Variants in SLC16A3 observed in about 807,000 individuals in gnomAD.
SLC16A3 encodes the protein monocarboxylate transporter 4.
In SLC16A3, 22 loss-of-function variants were observed where a neutral mutation model predicts 25.0. That is an observed-to-expected ratio of 0.88 (90% CI 0.63 to 1.26). SLC16A3 has a LOEUF of 1.26. Among genes scored for constraint, SLC16A3 ranks in the 50% most tolerant of loss-of-function variants. The pLI is 0.00. For missense variants in SLC16A3, 731 were observed against 666.6 expected, an observed-to-expected ratio of 1.10 and a Z score of -1.06; for synonymous variants, 390 against 309.2, an observed-to-expected ratio of 1.26 and a Z score of -2.74.
At chr17:82,221,204 C>T (rs1015056767) in intron 1 of SLC16A3, among the ~76,000 whole-genome samples, 1 of 152,128 alleles carries the variant, frequency 6.6e-6, no homozygotes, top group African/African-American at 2.4e-5. Context: ...GAAGGCAGCC[C>T]ACAGAATGGG....
chr17:82,240,075 G>C lies in SLC16A3; in HGVS notation c.*1099G>C. 8.1e-7 allele frequency: 1 copy of C among 1,233,736 alleles called. No homozygotes were observed. The highest frequency in any genetic ancestry group is 1.0e-6 in the Non-Finnish European group (1 of 987,826). 76.4% of individuals were successfully genotyped at this position (1,233,736 alleles called of 1,614,324 possible). A position where few individuals can be genotyped will look rare whatever the true frequency, so the allele number is the denominator to read the frequency against. Reference sequence around the variant, plus strand: ...TGTCCCTGCTCCTCTGCAATGAAAAGCAAGCGAAAAGTGCACATCTCAGGT... The same window carrying C: ...TGTCCCTGCTCCTCTGCAATGAAAACCAAGCGAAAAGTGCACATCTCAGGT... On this transcript the variant is annotated 3_prime_UTR_variant, in exon 5 of 5. Coordinates refer to ENST00000582743, the MANE Select transcript of SLC16A3 (RefSeq NM_004207.4).
upstream of SLC16A3, among the ~76,000 whole-genome samples, chr17:82,227,113 C>A (rs2050427457): frequency 6.6e-6 from 1 of 152,072 alleles, no homozygotes; most frequent in African/African-American, 2.4e-5. Context: ...GGAAGCCATG[C>A]CTAAGAGGGG....
At chr17:82,237,989 C>T (rs547013241) in intron 4 of SLC16A3, 96 bp downstream of exon 4, 8 of 1,400,098 alleles carry the variant, frequency 5.7e-6, no homozygotes, top group South Asian at 5.3e-5. Flanking sequence ...GGCAGCCACC[C>T]GCAGTGTGGG....
upstream of SLC16A3, among the ~76,000 whole-genome samples, chr17:82,224,132 GCA>G (rs1267847042): frequency 3.0e-4 from 30 of 99,894 alleles, no homozygotes; most frequent in Admixed American, 6.9e-4. Flanking sequence ...CTACACCCGT[GCA>G]CAGACACCTG....
In SLC16A3 at chr17:82,240,010, C is replaced by T. The variant is rs917104685; in HGVS notation, c.*1034C>T. 26 of 1,233,660 alleles carry T rather than the reference C, an allele frequency of 2.1e-5. No homozygotes were observed. Among genetic ancestry groups the T allele is most frequent in the Admixed American group, 8.4e-5 (2 of 23,700 alleles). The allele number at this position is 1,233,660 out of a possible 1,614,324, so 76.4% of individuals were successfully genotyped here. On this transcript the variant is annotated 3_prime_UTR_variant, in exon 5 of 5. Transcript: ENST00000582743. ...GCGTCGTGGGCGCTGGGGACGGCAG[C>T]GGGTGCCCTGGCGGGCCGCGTGCAG...
At chr17:82,220,922 C>G (rs771403337) in intron 1 of SLC16A3, among the ~76,000 whole-genome samples, 3 of 152,132 alleles carry the variant, frequency 2.0e-5, no homozygotes, top group Non-Finnish European at 2.9e-5. Flanking sequence ...CTCCTGGGTT[C>G]AAGCAATTCT....
intron 1 of SLC16A3, chr17:82,231,050 G>A (rs1386615285): frequency 6.6e-6 from 1 of 152,188 alleles, no homozygotes. Flanking sequence ...GGACCCGCGC[G>A]CCGGCAATTA....
rs548887790 is a variant in SLC16A3, at chr17:82,238,985, G to A, written c.*9G>A. ...CGGAAACAAGTGTCTGAGTGGCTGG[G>A]CGGGGCCGGCAGGCACAGGGAGGAG... On this transcript the variant is annotated 3_prime_UTR_variant, in exon 5 of 5. Coordinates refer to ENST00000582743, the MANE Select transcript of SLC16A3 (RefSeq NM_004207.4). 24 of 1,510,964 alleles carry A rather than the reference G, an allele frequency of 1.6e-5. No individual in the cohort carries two copies. The African/African-American group carries it at 3.2e-4, about 20-fold the overall frequency. 93.6% of individuals were successfully genotyped at this position (1,510,964 alleles called of 1,614,324 possible). A position where few individuals can be genotyped will look rare whatever the true frequency, so the allele number is the denominator to read the frequency against.
At chr17:82,235,929 C>T in intron 1 of SLC16A3, 54 bp from the exon 2 acceptor site, 1 of 1,262,582 alleles carries the variant, frequency 7.9e-7, no homozygotes, top group Non-Finnish European at 1.1e-6. Context: ...CCCTGCCAGG[C>T]TGCAGCTGGG....
chr17:82,230,053 C>T (rs8078962), intron 1 of SLC16A3: 2,369 of 152,720 alleles, frequency 0.016, 68 homozygotes, highest in African/African-American at 0.055. Context: ...GGGGCTTGTC[C>T]ATGCTGAGCA....
In SLC16A3 at chr17:82,237,478, G is replaced by C. The variant is rs745813922; in HGVS notation, c.708G>C (p.Ser236=). ...RGFVLYAVAA[S]VMVLGLFVPP... ...TTGTGCTTTACGCCGTGGCCGCCTC[G>C]GTCATGGTGCTGGGGCTCTTCGTCC... is the stretch of plus-strand genomic sequence containing the variant. The change falls in exon 4 of 5, where the codon TCG becomes TCC. Residue 236 remains serine, a synonymous_variant. Transcript: ENST00000582743. 6 of 1,609,840 alleles carry C rather than the reference G, an allele frequency of 3.7e-6. No individual in the cohort carries two copies. Among genetic ancestry groups the C allele is most frequent in the Non-Finnish European group, 5.1e-6 (6 of 1,179,436 alleles).
chr17:82,225,964 G>A (rs2050419100), upstream of SLC16A3, among the ~76,000 whole-genome samples: 1 of 152,094 alleles, frequency 6.6e-6, no homozygotes, highest in South Asian at 2.1e-4. Context: ...TCTCGGGGCA[G>A]CCCATGGGGA....
At chr17:82,224,825 C>T (rs1044726163), upstream of SLC16A3, among the ~76,000 whole-genome samples, 1 of 152,136 alleles carries the variant, frequency 6.6e-6, no homozygotes, top group South Asian at 2.1e-4. Context: ...CCCACATAAC[C>T]GGCCCTCTCA....
upstream of SLC16A3, among the ~76,000 whole-genome samples, chr17:82,227,592 G>A (rs148761130): frequency 0.011 from 1,603 of 142,666 alleles, 43 homozygotes; most frequent in African/African-American, 0.033. Context: ...TGCCCTGGGC[G>A]GGAGCACCAC....
chr17:82,223,676 CTAAT>C (rs1450048459), upstream of SLC16A3, among the ~76,000 whole-genome samples: 5 of 151,972 alleles, frequency 3.3e-5, no homozygotes, highest in African/African-American at 1.2e-4. Flanking sequence ...CCACGTGTGG[CTAAT>C]TGTTTGTATT....
At chr17:82,225,979 G>A (rs950042035), upstream of SLC16A3, among the ~76,000 whole-genome samples, 1 of 152,110 alleles carries the variant, frequency 6.6e-6, no homozygotes. Context: ...TGGGGAGGAA[G>A]CAGATCCCAG....
intron 1 of SLC16A3, chr17:82,233,903 C>G (rs931289460): frequency 2.6e-5 from 4 of 152,276 alleles, no homozygotes; most frequent in Non-Finnish European, 5.9e-5. Context: ...CGCAGTCGCG[C>G]GATCTCGGCT....
In SLC16A3 at chr17:82,236,852, T is replaced by G. The variant is rs2050615665; in HGVS notation, c.347T>G (p.Leu116Arg). 6.2e-7 allele frequency: 1 copy of G among 1,606,596 alleles called. No individual in the cohort carries two copies. ...TGCCGGAGCATCATCCAGGTCTACC[T>G]CACCACTGGGGTCATCACGGGTGAG... ...SFCRSIIQVY[L>R]TTGVITGLGL... Residue 116 changes from leucine (L) to arginine (R), a missense_variant, in exon 3 of 5, where the codon CTC becomes CGC. By Grantham distance (102) the Leu-to-Arg change is moderately radical (BLOSUM62 -2). Transcript: ENST00000582743.
chr17:82,228,706 C>T (rs113940830), upstream of SLC16A3, among the ~76,000 whole-genome samples: 27,236 of 152,054 alleles, frequency 0.18, 2,753 homozygotes, highest in Non-Finnish European at 0.23. Flanking sequence ...GCGCTGCGCT[C>T]CGAGGCGGGG....
Sources: gnomAD v4.1 joint callset for allele counts (sites outside exome capture counted in the v4.1 genomes callset) on GRCh38, gnomAD v4.1.1 for gene constraint, MANE v1.5 for transcripts, NCBI Gene and HGNC (gene_info 2026-07-23, HGNC 2026-07-21) for gene names.